The following XPO6 variants were observed in gnomAD, a reference collection of about 807,000 sequenced individuals.
XPO6 encodes exportin-6.
Under a neutral mutation model 130.0 loss-of-function variants are expected in XPO6, and 3 were observed. The ratio of observed to expected loss-of-function variants is 0.02; its 90% CI spans 0.01 to 0.06. XPO6 has a LOEUF of 0.06. Among genes scored for constraint, XPO6 ranks in the 10% least tolerant of loss-of-function variants. The pLI is 1.00. For synonymous variants in XPO6, 524 were observed against 548.9 expected, an observed-to-expected ratio of 0.95 and a Z score of 0.63; for missense variants, 970 against 1,393.0, an observed-to-expected ratio of 0.70 and a Z score of 4.83.
chr16:28,101,644 C>G lies in XPO6; in HGVS notation c.3090G>C (p.Leu1030=). ...TAMLFQFVNV[L]LQVLVHKSHD... ...GGGACTTGTGGACCAGGACCTGGAG[C>G]AGCACGTTCACAAACTGGAACAGCA... The change falls in exon 23 of 24, where the codon CTG becomes CTC. Residue 1030 remains leucine (L), a synonymous_variant. Coordinates refer to ENST00000304658, the MANE Select transcript of XPO6 (RefSeq NM_015171.4). The surrounding 1 kb of genome is among the most constrained non-coding windows in gnomAD (Gnocchi z 5.4). 1 of 1,613,252 alleles carries G rather than the reference C, an allele frequency of 6.2e-7. No individual in the cohort carries two copies. The highest frequency in any genetic ancestry group is 1.1e-5 in the South Asian group (1 of 91,086).
Position 28,104,594 on chromosome 16 carries a change from G to A in XPO6, c.2898C>T (p.Ile966=), listed in dbSNP as rs754395578. The A allele has an allele frequency of 5.0e-6, 8 of 1,614,086 alleles. No individual in the cohort carries two copies. The highest frequency in any genetic ancestry group is 1.3e-5 in the African/African-American group (1 of 74,934). ...STVLASVQRG[I]AEEQMENEPQ... is the part of the protein sequence containing the mutation. ...GCTCATTCTCCATCTGCTCCTCAGC[G>A]ATCCCCCTCTGGACACTGGCCAGCA... The change falls in exon 21 of 24, where the codon ATC becomes ATT. Residue 966 remains isoleucine, a synonymous_variant. Coordinates refer to ENST00000304658, the MANE Select transcript of XPO6 (RefSeq NM_015171.4).
intron 8 of XPO6, 69 bp from the exon 9 acceptor site, chr16:28,146,272 C>G: frequency 1.8e-6 from 2 of 1,127,790 alleles, no homozygotes; most frequent in Non-Finnish European, 2.7e-6. Context: ...CACACACATG[C>G]CAGTGTTTAA....
In XPO6 at chr16:28,098,536, G is replaced by A. The variant is rs775773051; in HGVS notation, c.*2C>T. On this transcript the variant is annotated 3_prime_UTR_variant, in exon 24 of 24. Coordinates refer to ENST00000304658, the MANE Select transcript of XPO6 (RefSeq NM_015171.4). ...AGTCCGTGTCCCCAGGCAGTAGCAG[G>A]CCTAGAGCTTCACAGTGCCAGGGGG... 1.2e-6 allele frequency: 2 copies of A among 1,609,966 alleles called. No individual in the cohort carries two copies. Among genetic ancestry groups the A allele is most frequent in the Non-Finnish European group, 1.7e-6 (2 of 1,177,406 alleles).
Position 28,098,369 on chromosome 16 carries a change from C to T in XPO6, c.*169G>A. On this transcript the variant is annotated 3_prime_UTR_variant, in exon 24 of 24. Coordinates refer to ENST00000304658, the MANE Select transcript of XPO6 (RefSeq NM_015171.4). ...GCTCAGGTGGACCCAGAAGCCAGCT[C>T]TGCTGGGCAGCGGCAAGATGTGGAG... 1 of 608,742 alleles carries T rather than the reference C, an allele frequency of 1.6e-6. No individual in the cohort carries two copies. Among genetic ancestry groups the T allele is most frequent in the Admixed American group, 2.9e-5 (1 of 35,078 alleles). 37.7% of individuals were successfully genotyped at this position (608,742 alleles called of 1,614,324 possible). A position where few individuals can be genotyped will look rare whatever the true frequency, so the allele number is the denominator to read the frequency against.
At chr16:28,138,868 T>C (rs896843307) in intron 9 of XPO6, among the ~76,000 whole-genome samples, 8 of 152,052 alleles carry the variant, frequency 5.3e-5, no homozygotes, top group Admixed American at 2.6e-4. Context: ...GTAGAACAAA[T>C]AAGTAAGAGG....
At chr16:28,142,674 A>C (rs898696569) in intron 9 of XPO6, among the ~76,000 whole-genome samples, 1 of 152,098 alleles carries the variant, frequency 6.6e-6, no homozygotes, top group East Asian at 1.9e-4. Flanking sequence ...GGGCTTAAGC[A>C]GTCCTCCTGC....
rs372986677 is a variant in XPO6, at chr16:28,164,818, T to A, written c.643+1690A>T. ...TGAGTTAGCTCAGAACCTGTTTGGA[T>A]GAAGCCAACAGAAACACAAACAAGC... On this transcript the variant is annotated intron_variant, in intron 6 of 23. Coordinates refer to ENST00000304658, the MANE Select transcript of XPO6 (RefSeq NM_015171.4). 2.6e-3 allele frequency among the ~76,000 whole-genome samples: 402 copies of A among 152,332 alleles called. 1 individual carries two copies. Among genetic ancestry groups the A allele is most frequent in the Middle Eastern group, 0.01 (3 of 294 alleles).
chr16:28,121,026 A>T lies in XPO6; in HGVS notation c.1859+644T>A, dbSNP rs997429313. Among the ~76,000 whole-genome samples the T allele has an allele frequency of 3.3e-5, 5 of 152,282 alleles. No homozygotes were observed. In the East Asian group the frequency reaches 9.6e-4, roughly 29 times the overall value. On this transcript the variant is annotated intron_variant, in intron 14 of 23. Coordinates refer to ENST00000304658, the MANE Select transcript of XPO6 (RefSeq NM_015171.4). The stretch of plus-strand genomic sequence containing the variant: ...CTCATCTAAAGCAAGTCTTCTGGGC[A>T]GTGAAATCTCTGGGATACTGCCCAT...
chr16:28,166,653 A>G, intron 5 of XPO6, 68 bp from the exon 6 acceptor site: 1 of 1,546,752 alleles, frequency 6.5e-7, no homozygotes, highest in South Asian at 1.2e-5. Flanking sequence ...ATATTTAGAG[A>G]AAGTTTCTTG....
intron 1 of XPO6, among the ~76,000 whole-genome samples, chr16:28,189,105 C>G (rs1438068758): frequency 6.6e-6 from 1 of 151,936 alleles, no homozygotes; most frequent in Non-Finnish European, 1.5e-5. Context: ...ACCACCACAT[C>G]CAGCTGATTT....
intron 1 of XPO6, among the ~76,000 whole-genome samples, chr16:28,185,473 T>C (rs1186819346): frequency 3.3e-5 from 5 of 152,230 alleles, no homozygotes; most frequent in East Asian, 1.9e-4. Context: ...TATTTCTTTA[T>C]CTGAGTGTTA....
rs1352950443 is a variant in XPO6, at chr16:28,166,521, G to A, written c.630C>T (p.Thr210=). The part of the protein sequence containing the change: ...VTAATPPPSP[T]SGESGDLLSN... ...GGCAGACCATACCACTTTCTCCTGA[G>A]GTCGGGGATGGTGGTGGAGTGGCAG... The change falls in exon 6 of 24, where the codon ACC becomes ACT. Residue 210 remains threonine (T), a synonymous_variant. Transcript: ENST00000304658. 1.9e-6 allele frequency: 3 copies of A among 1,590,164 alleles called. No individual in the cohort carries two copies. The highest frequency in any genetic ancestry group is 2.3e-5 in the South Asian group (2 of 87,478).
intron 1 of XPO6, among the ~76,000 whole-genome samples, chr16:28,197,752 T>C (rs968458943): frequency 1.3e-5 from 2 of 150,890 alleles, no homozygotes; most frequent in African/African-American, 4.9e-5. Flanking sequence ...CCGTCTCTAC[T>C]AAAAATACAA....
At chr16:28,191,444 G>A (rs572260601) in intron 1 of XPO6, among the ~76,000 whole-genome samples, 6 of 152,164 alleles carry the variant, frequency 3.9e-5, no homozygotes, top group Non-Finnish European at 7.3e-5. Context: ...TGCATGCCTA[G>A]TATTAAACTC....
chr16:28,139,289 A>G (rs1382849856), intron 9 of XPO6, among the ~76,000 whole-genome samples: 2 of 152,216 alleles, frequency 1.3e-5, no homozygotes, highest in Non-Finnish European at 2.9e-5. Flanking sequence ...CAAGCTACCA[A>G]GAGAGCTCAC....
intron 15 of XPO6, 112 bp downstream of exon 15, chr16:28,117,206 A>G: frequency 7.3e-7 from 1 of 1,376,810 alleles, no homozygotes; most frequent in East Asian, 2.3e-5. Flanking sequence ...AACAGCAGAA[A>G]GATTTATGGG....
At chr16:28,168,641 A>T (rs13336454) in intron 5 of XPO6, among the ~76,000 whole-genome samples, 86,122 of 149,274 alleles carry the variant, frequency 0.58, 27,101 homozygotes, top group South Asian at 0.72. Flanking sequence ...TCACTCTGTC[A>T]CCCAGGCTGG....
chr16:28,133,953 G>C lies in XPO6; in HGVS notation c.1444-20C>G. Reference sequence around the variant, plus strand: ...CTGCTGCTGTAGGGGAAGCACAGGAGAATCAGCTCTCCCAGAATCCTCTCA... The same window carrying C: ...CTGCTGCTGTAGGGGAAGCACAGGACAATCAGCTCTCCCAGAATCCTCTCA... On this transcript the variant is annotated intron_variant, in intron 10 of 23. Coordinates refer to ENST00000304658, the MANE Select transcript of XPO6 (RefSeq NM_015171.4). 6.2e-7 allele frequency: 1 copy of C among 1,612,782 alleles called. No homozygotes were observed. The highest frequency in any genetic ancestry group is 8.5e-7 in the Non-Finnish European group (1 of 1,179,258).
rs8056256 is a variant in XPO6, at chr16:28,151,644, C to T, written c.1224+1015G>A. Among the ~76,000 whole-genome samples the T allele has an allele frequency of 9.9e-3, 1,502 of 152,234 alleles. 30 individuals carry two copies. The highest frequency in any genetic ancestry group is 0.034 in the African/African-American group (1,430 of 41,534). Reference sequence around the variant, plus strand: ...TCTTGACTTAGGTGATGGTTACATGCATATGTCAATTTGGGGAAAACTCAT... The same window carrying T: ...TCTTGACTTAGGTGATGGTTACATGTATATGTCAATTTGGGGAAAACTCAT... On this transcript the variant is annotated intron_variant, in intron 8 of 23. Coordinates refer to ENST00000304658, the MANE Select transcript of XPO6 (RefSeq NM_015171.4).
Sources: gnomAD v4.1 joint callset for allele counts (sites outside exome capture counted in the v4.1 genomes callset) on GRCh38, gnomAD v4.1.1 for gene constraint, Gnocchi (gnomAD v3.1) non-coding constraint, MANE v1.5 for transcripts, NCBI Gene and HGNC (gene_info 2026-07-23, HGNC 2026-07-21) for gene names.